PDE2A: variants seen among roughly 807,000 people sequenced by gnomAD.
The protein encoded by PDE2A is cGMP-dependent 3',5'-cyclic phosphodiesterase.
Under a neutral mutation model 133.6 loss-of-function variants are expected in PDE2A, and 53 were observed. The ratio of observed to expected loss-of-function variants is 0.40; its 90% confidence interval spans 0.32 to 0.50. The LOEUF (loss-of-function observed/expected upper bound fraction) is 0.50. Among genes scored for constraint, PDE2A ranks in the 20% least tolerant of loss-of-function variants. The pLI is 0.73. For missense variants in PDE2A, 796 were observed against 1,232.4 expected (o/e 0.65, Z 5.30); for synonymous variants, 491 against 490.2 (o/e 1.00, Z -0.02).
At chr11:72,662,993 C>A (rs11235559) in intron 1 of PDE2A, among the ~76,000 whole-genome samples, 1 of 151,934 alleles carries the variant, frequency 6.6e-6, no homozygotes, top group African/African-American at 2.4e-5. Context: ...TTTGCTCTTA[C>A]GGGGATTTTT....
chr11:72,636,776 G>A (rs560969414), intron 2 of PDE2A, among the ~76,000 whole-genome samples: 54 of 151,944 alleles, frequency 3.6e-4, no homozygotes, highest in East Asian at 1.7e-3. Context: ...CATCACCCCC[G>A]CTTACCTGGA....
chr11:72,649,659 G>A (rs1854671323), intron 1 of PDE2A, among the ~76,000 whole-genome samples: 1 of 152,154 alleles, frequency 6.6e-6, no homozygotes, highest in Admixed American at 6.5e-5. Flanking sequence ...CCTTTCTGGA[G>A]TCACTCTAGC....
chr11:72,654,631 A>G (rs1854841774), intron 1 of PDE2A, among the ~76,000 whole-genome samples: 1 of 151,736 alleles, frequency 6.6e-6, no homozygotes, highest in Non-Finnish European at 1.5e-5. Context: ...CCTCCGCCCC[A>G]AGCTACCTGT....
At chr11:72,626,137 G>A (rs78619519) in intron 2 of PDE2A, among the ~76,000 whole-genome samples, 7,964 of 152,338 alleles carry the variant, frequency 0.052, 705 homozygotes, top group African/African-American at 0.18. Flanking sequence ...GTCTCAGCAT[G>A]TGTCTTCTCT....
Position 72,578,625 on chromosome 11 carries a change from C to G in PDE2A, c.2470-111G>C. 1 of 978,570 alleles carries G rather than the reference C, an allele frequency of 1.0e-6. No homozygotes were observed. 60.6% of individuals were successfully genotyped at this position (978,570 alleles called of 1,614,324 possible). On this transcript the variant is annotated intron_variant, in intron 28 of 30. Coordinates refer to ENST00000334456, the MANE Select transcript of PDE2A (RefSeq NM_002599.5). The surrounding 1 kb of genome is among the most constrained non-coding windows in gnomAD (Gnocchi z 4.2). ...CTGAGGCCCAGGGATTCAGTCCCAG[C>G]TCAGGAGCCGTCCCCACCAGCCCCA...
At chr11:72,662,815 C>G (rs977910624) in intron 1 of PDE2A, among the ~76,000 whole-genome samples, 5 of 152,212 alleles carry the variant, frequency 3.3e-5, no homozygotes, top group Admixed American at 1.3e-4. Flanking sequence ...CTTCACCCAT[C>G]ATTTGGAGCT....
rs150951704 is a variant in PDE2A, at chr11:72,673,696, CT to C, written c.71+440del. 8.6e-3 allele frequency among the ~76,000 whole-genome samples: 1,307 copies of C among 152,010 alleles called. 27 individuals carry two copies. The highest frequency in any genetic ancestry group is 0.03 in the African/African-American group (1,255 of 41,376). ...ATTCATATTTTCTCCATCTTTCCCC[CT>C]CCCCACCTCCTTCACACACACATAG... On this transcript the variant is annotated intron_variant, in intron 1 of 30. Transcript: ENST00000334456.
intron 2 of PDE2A, among the ~76,000 whole-genome samples, chr11:72,623,514 C>T (rs1287857994): frequency 6.6e-6 from 1 of 152,148 alleles, no homozygotes; most frequent in African/African-American, 2.4e-5. Flanking sequence ...CCCCCCATGC[C>T]TGTCGACTCC....
Position 72,590,543 on chromosome 11 carries a change from TG to T in PDE2A, c.586del (p.Gln196SerfsTer97). The T allele has an allele frequency of 7.0e-7, 1 of 1,437,592 alleles. No homozygotes were observed. Among genetic ancestry groups the T allele is most frequent in the Non-Finnish European group, 9.1e-7 (1 of 1,101,870 alleles). 89.1% of individuals were successfully genotyped at this position (1,437,592 alleles called of 1,614,324 possible). A position where few individuals can be genotyped will look rare whatever the true frequency, so the allele number is the denominator to read the frequency against. On this transcript the variant is annotated frameshift_variant, in exon 8 of 31. Coordinates refer to ENST00000334456, the MANE Select transcript of PDE2A (RefSeq NM_002599.5). LOFTEE classifies it high-confidence loss of function. The surrounding 1 kb of genome is among the most constrained non-coding windows in gnomAD (Gnocchi z 4.8). ...VALRRVQVLQ[Q>X]RGPREAPRAV... ...TCGGGGAGCCTCCCTGGGCCCGCGCTGCTGCAGGACCTGCACCCTCCGCAGG... is the reference window on the plus strand; with the variant it reads ...TCGGGGAGCCTCCCTGGGCCCGCGCTCTGCAGGACCTGCACCCTCCGCAGG...
chr11:72,617,339 A>C (rs952110082), intron 2 of PDE2A, among the ~76,000 whole-genome samples: 12 of 152,314 alleles, frequency 7.9e-5, no homozygotes, highest in African/African-American at 2.9e-4. Context: ...AGGCAAGCCC[A>C]GCCATGCTGG....
At chr11:72,655,077 G>C (rs1246811307) in intron 1 of PDE2A, among the ~76,000 whole-genome samples, 1 of 152,188 alleles carries the variant, frequency 6.6e-6, no homozygotes, top group African/African-American at 2.4e-5. Context: ...GCAGGTGAAT[G>C]GCAGGAGGAA....
Position 72,579,511 on chromosome 11 carries a change from CACCCCACCCCCA to C in PDE2A, c.2256+11_2256+22del. On this transcript the variant is annotated intron_variant, in intron 26 of 30. Transcript: ENST00000334456. ...CAGCTCCCAGCTCCCCCTCAATCCC[CACCCCACCCCCA>C]ACCCCATCACCTTCCGGGAGAAATG... The C allele has an allele frequency of 7.0e-7, 1 of 1,429,906 alleles. No individual in the cohort carries two copies. Among genetic ancestry groups the C allele is most frequent in the Non-Finnish European group, 9.8e-7 (1 of 1,021,338 alleles). The allele number at this position is 1,429,906 out of a possible 1,614,324, so 88.6% of individuals were successfully genotyped here. A position where few individuals can be genotyped will look rare whatever the true frequency, so the allele number is the denominator to read the frequency against.
chr11:72,582,102 G>A, intron 21 of PDE2A, 155 bp from the exon 22 acceptor site: 1 of 651,544 alleles, frequency 1.5e-6, no homozygotes, highest in Admixed American at 2.7e-5. Context: ...ACCGTTCTCG[G>A]AGCTATGCAT....
rs567692874 is a variant in PDE2A, at chr11:72,604,701, G to A, written c.323+437C>T. On this transcript the variant is annotated intron_variant, in intron 4 of 30. Transcript: ENST00000334456. ...GGGGCTCCAGAACCCTCAGCAGGAC[G>A]CTGCCTGTGATCTCCCTGTTCTCAG... is the stretch of plus-strand genomic sequence containing the variant. Among the ~76,000 whole-genome samples, 7 of 152,288 alleles carry A rather than the reference G, an allele frequency of 4.6e-5. No homozygotes were observed. In the South Asian group the frequency reaches 8.3e-4, roughly 18 times the overall value.
At chr11:72,650,168 C>T (rs934172156) in intron 1 of PDE2A, among the ~76,000 whole-genome samples, 1 of 151,988 alleles carries the variant, frequency 6.6e-6, no homozygotes, top group Non-Finnish European at 1.5e-5. Context: ...ATTACAGGCG[C>T]CTGCCATTAC....
intron 1 of PDE2A, among the ~76,000 whole-genome samples, chr11:72,656,030 G>A (rs970331224): frequency 1.1e-4 from 17 of 152,200 alleles, no homozygotes; most frequent in Non-Finnish European, 2.5e-4. Flanking sequence ...GGCAGGACTG[G>A]TGATTAGGAG....
intron 2 of PDE2A, among the ~76,000 whole-genome samples, chr11:72,625,413 G>C (rs1858008218): frequency 6.6e-6 from 1 of 152,248 alleles, no homozygotes; most frequent in African/African-American, 2.4e-5. Flanking sequence ...CTGTGGACAG[G>C]ACCAGCCCAA....
intron 2 of PDE2A, among the ~76,000 whole-genome samples, chr11:72,621,159 AG>A (rs1266676433): frequency 1.3e-5 from 2 of 152,178 alleles, no homozygotes; most frequent in African/African-American, 4.8e-5. Context: ...CTGACACCAC[AG>A]GCCCTGCTCT....
At chr11:72,638,386 A>G (rs893430555) in intron 2 of PDE2A, among the ~76,000 whole-genome samples, 1 of 152,168 alleles carries the variant, frequency 6.6e-6, no homozygotes, top group African/African-American at 2.4e-5. Context: ...ACTCTGCCAG[A>G]CCCAGCTCAG....
Sources: gnomAD v4.1 joint callset for allele counts (sites outside exome capture counted in the v4.1 genomes callset) on GRCh38, gnomAD v4.1.1 for gene constraint, Gnocchi (gnomAD v3.1) non-coding constraint, MANE v1.5 for transcripts, NCBI Gene and HGNC (gene_info 2026-07-23, HGNC 2026-07-21) for gene names.